Variants in NR2F1-AS1 observed in about 807,000 individuals in gnomAD.
The protein encoded by NR2F1-AS1 is NR2F1 antisense RNA 1.
intron 4 of NR2F1-AS1, among the ~76,000 whole-genome samples, chr5:93,510,252 G>A (rs944630504): frequency 1.1e-4 from 16 of 152,052 alleles, no homozygotes; most frequent in Admixed American, 9.2e-4. Flanking sequence ...CATTCGTACA[G>A]GCTGAACTAA....
intron 2 of NR2F1-AS1, among the ~76,000 whole-genome samples, chr5:93,558,301 G>A (rs1752408145): frequency 1.3e-5 from 2 of 151,584 alleles, no homozygotes; most frequent in South Asian, 4.2e-4. Flanking sequence ...GGCAGCTATA[G>A]CCTTATAAAA....
chr5:93,551,628 A>G (rs1752231879), intron 4 of NR2F1-AS1, among the ~76,000 whole-genome samples: 1 of 151,990 alleles, frequency 6.6e-6, no homozygotes, highest in Admixed American at 6.6e-5. Flanking sequence ...TATGATAACA[A>G]ATGGGCTCCT....
At chr5:93,435,769 C>A (rs908600973) in intron 4 of NR2F1-AS1, among the ~76,000 whole-genome samples, 2 of 152,162 alleles carry the variant, frequency 1.3e-5, no homozygotes, top group Non-Finnish European at 2.9e-5. Flanking sequence ...TTGATGATAA[C>A]CCCTTCATTT....
At chr5:93,542,663 G>T (rs1751979773) in intron 4 of NR2F1-AS1, 1 of 152,120 alleles carries the variant, frequency 6.6e-6, no homozygotes, top group Admixed American at 6.6e-5. Context: ...CCAAATCCTG[G>T]GTGAAGTAAA....
chr5:93,563,537 T>G lies in NR2F1-AS1; in HGVS notation n.314-74A>C, dbSNP rs536723909. 3 of 152,328 alleles carry G rather than the reference T, an allele frequency of 2.0e-5. No individual in the cohort carries two copies. In the East Asian group the frequency reaches 5.8e-4, roughly 29 times the overall value. The allele number at this position is 152,328 out of a possible 1,614,324, so 9.4% of individuals were successfully genotyped here. On this transcript the variant is annotated intron_variant and non_coding_transcript_variant, in intron 1 of 5. Transcript: ENST00000660523. ...ACAGATATTTGCTGGAATTTTCTAT[T>G]AGACAAAGAGTTGCTTTTTGAAATA...
chr5:93,543,095 T>G (rs1018250763), intron 4 of NR2F1-AS1: 29 of 152,250 alleles, frequency 1.9e-4, no homozygotes, highest in African/African-American at 6.8e-4. Context: ...AGCTAAGATT[T>G]TGGTTGAAAT....
chr5:93,483,723 T>C (rs1750652063), intron 4 of NR2F1-AS1, among the ~76,000 whole-genome samples: 2 of 152,184 alleles, frequency 1.3e-5, no homozygotes, highest in South Asian at 4.1e-4. Flanking sequence ...GACGAATTGC[T>C]AACTAGAATA....
chr5:93,412,331 A>C (rs984665529), intron 4 of NR2F1-AS1, among the ~76,000 whole-genome samples: 1 of 152,170 alleles, frequency 6.6e-6, no homozygotes, highest in Middle Eastern at 3.4e-3. Context: ...AAGCAATGCT[A>C]CCACCTCTGG....
At chr5:93,552,863 C>A (rs1462658025) in intron 4 of NR2F1-AS1, among the ~76,000 whole-genome samples, 2 of 151,876 alleles carry the variant, frequency 1.3e-5, no homozygotes, top group Non-Finnish European at 2.9e-5. Context: ...AAGATTTGGT[C>A]AAATTATAAA....
At chr5:93,581,676 C>G (rs957619731), upstream of NR2F1-AS1, among the ~76,000 whole-genome samples, 13 of 30,430 alleles carry the variant, frequency 4.3e-4, no homozygotes, top group African/African-American at 1.5e-3. Flanking sequence ...CGGTCTCTCT[C>G]TCTCTCTCTC....
chr5:93,500,720 C>G (rs1370349616), intron 4 of NR2F1-AS1, among the ~76,000 whole-genome samples: 1 of 152,138 alleles, frequency 6.6e-6, no homozygotes, highest in Non-Finnish European at 1.5e-5. Context: ...TCACTACAAC[C>G]TCTGCCTCCC....
intron 4 of NR2F1-AS1, among the ~76,000 whole-genome samples, chr5:93,548,834 A>G (rs925517408): frequency 6.6e-6 from 1 of 152,152 alleles, no homozygotes; most frequent in Admixed American, 6.6e-5. Context: ...CCATGCCACC[A>G]CACTCCAGCC....
intron 2 of NR2F1-AS1, among the ~76,000 whole-genome samples, chr5:93,562,225 T>G (rs1019056388): frequency 6.8e-5 from 9 of 132,268 alleles, no homozygotes; most frequent in East Asian, 2.1e-4. Context: ...GAAAAGAAAA[T>G]AATAAGATAA....
At chr5:93,469,074 G>T in intron 4 of NR2F1-AS1, among the ~76,000 whole-genome samples, 1 of 152,100 alleles carries the variant, frequency 6.6e-6, no homozygotes, top group Admixed American at 6.5e-5. Flanking sequence ...CATTGGTAAA[G>T]ATATTTGTGG....
At chr5:93,585,137 C>T (rs986172152), upstream of NR2F1-AS1, 3 of 1,070,674 alleles carry the variant, frequency 2.8e-6, no homozygotes, top group Non-Finnish European at 3.4e-6. Context: ...GCGGCGCCGG[C>T]GAGCAGCAGC....
upstream of NR2F1-AS1, chr5:93,584,712 C>T (rs1281806044): frequency 6.7e-6 from 1 of 148,724 alleles, no homozygotes; most frequent in African/African-American, 2.5e-5. Flanking sequence ...GGGGGGGAGC[C>T]TGAGAGCCTG....
At chr5:93,564,159 T>C (rs560048742) in intron 1 of NR2F1-AS1, among the ~76,000 whole-genome samples, 29 of 97,500 alleles carry the variant, frequency 3.0e-4, no homozygotes, top group Middle Eastern at 0.01. Context: ...AACACACAAC[T>C]ACCTGGAGAA....
At chr5:93,423,601 A>T (rs1009954550) in intron 4 of NR2F1-AS1, among the ~76,000 whole-genome samples, 9 of 152,218 alleles carry the variant, frequency 5.9e-5, no homozygotes, top group Admixed American at 2.6e-4. Flanking sequence ...GACAGAGAAA[A>T]TTTTAAAAAT....
At chr5:93,418,037 C>A (rs893832030) in intron 4 of NR2F1-AS1, among the ~76,000 whole-genome samples, 1 of 152,162 alleles carries the variant, frequency 6.6e-6, no homozygotes, top group African/African-American at 2.4e-5. Flanking sequence ...CTGCCACATG[C>A]CTCTCTGCAA....
Sources: gnomAD v4.1 joint callset for allele counts (sites outside exome capture counted in the v4.1 genomes callset) on GRCh38, gnomAD v4.1.1 for gene constraint, MANE v1.5 for transcripts, NCBI Gene and HGNC (gene_info 2026-07-23, HGNC 2026-07-21) for gene names.